The following KMT2D variants were observed in gnomAD, a reference collection of about 807,000 sequenced individuals.
KMT2D encodes histone-lysine N-methyltransferase 2D.
Under a neutral mutation model 512.7 loss-of-function variants are expected in KMT2D, and 55 were observed. The observed-to-expected ratio is 0.11, with a 90% confidence interval of 0.09 to 0.13. The LOEUF (loss-of-function observed/expected upper bound fraction) is 0.13, where lower values mean the gene tolerates loss of function less well. Ranked by LOEUF, KMT2D falls within the 10% of genes least tolerant of loss-of-function variation. The pLI is 1.00. For synonymous variants in KMT2D, 2,995 were observed against 2,904.0 expected (o/e 1.03, Z -1.01); for missense variants, 6,061 against 7,127.9 (o/e 0.85, Z 5.39).
chr12:49,042,553 A>G lies in KMT2D; in HGVS notation c.5867+8T>C. ...GACTGCCCACAAAGGTTACGCAGAG[A>G]CACCAACCTAGAATCCAGGAACGGG... On this transcript the variant is annotated splice_region_variant and intron_variant, in intron 28 of 54. Transcript: ENST00000301067. The surrounding 1 kb of genome is among the most constrained non-coding windows in gnomAD (Gnocchi z 4.4). 1 of 1,613,424 alleles carries G rather than the reference A, an allele frequency of 6.2e-7. No homozygotes were observed. The highest frequency in any genetic ancestry group is 8.5e-7 in the Non-Finnish European group (1 of 1,179,512).
At chr12:49,056,555 T>C (rs919588439) in intron 1 of KMT2D, among the ~76,000 whole-genome samples, 11 of 152,200 alleles carry the variant, frequency 7.2e-5, no homozygotes, top group African/African-American at 2.7e-4. Flanking sequence ...GTGGGAAATG[T>C]AGACCCTTTC....
At position 49,032,830 on chromosome 12, in the gene KMT2D, G is replaced by C; in HGVS notation, c.11875C>G (p.Gln3959Glu). 1 of 1,550,828 alleles carries C rather than the reference G, an allele frequency of 6.4e-7. No homozygotes were observed. Residue 3959 changes from glutamine (Q) to glutamate (E), a missense_variant, in exon 40 of 55, where the codon CAG (glutamine) becomes GAG (glutamate). Gln to Glu is a conservative substitution (Grantham distance 29). This residue lies in a region of KMT2D where 1,600 missense variants were observed against 1,754.9 expected (regional missense o/e 0.91). Transcript: ENST00000301067. ...QQQQQQLQQQ[Q>E]QQQQQQFQQQ... ...TGAAACTGCTGCTGTTGTTGTTGCT[G>C]TTGCTGTTGTAGCTGCTGTTGCTGC...
At chr12:49,043,566 A>T (rs2120570206) in intron 24 of KMT2D, 69 bp downstream of exon 24, 2 of 1,603,162 alleles carry the variant, frequency 1.2e-6, no homozygotes, top group Non-Finnish European at 1.7e-6. Context: ...TTCCCATCAA[A>T]TAACTTGCCA....
rs398123739 is a variant in KMT2D, at chr12:49,051,101, G to C, written c.2582C>G (p.Ser861Cys). 5 of 1,522,900 alleles carry C rather than the reference G, an allele frequency of 3.3e-6. No individual in the cohort carries two copies. Among genetic ancestry groups the C allele is most frequent in the Non-Finnish European group, 3.5e-6 (4 of 1,137,236 alleles). The allele number at this position is 1,522,900 out of a possible 1,614,324, so 94.3% of individuals were successfully genotyped here. A position where few individuals can be genotyped will look rare whatever the true frequency, so the allele number is the denominator to read the frequency against. Reference sequence around the variant, plus strand: ...CTCAGGGGGCTTTTCAGGCCGAGGGGACAGGGGTGGCTTCTCAAGCTCAGG... The same window carrying C: ...CTCAGGGGGCTTTTCAGGCCGAGGGCACAGGGGTGGCTTCTCAAGCTCAGG... ...LSPELEKPPL[S>C]PRPEKPPEEP... Residue 861 changes from serine (S) to cysteine (C), a missense_variant, in exon 11 of 55, where the codon TCC (serine) becomes TGC (cysteine). By Grantham distance (112) the Ser-to-Cys change is moderately radical (BLOSUM62 -1). This residue lies in a region of KMT2D where 848 missense variants were observed against 838.5 expected (regional missense o/e 1.01). Coordinates refer to ENST00000301067, the MANE Select transcript of KMT2D (RefSeq NM_003482.4).
rs200422133 is a variant in KMT2D at position 49,039,778 on chromosome 12, G to T, written c.7992C>A (p.Thr2664=). 1.7e-5 allele frequency: 28 copies of T among 1,613,924 alleles called. No homozygotes were observed. The African/African-American group carries it at 3.3e-4, about 19-fold the overall frequency. ...TAAGGCCGGACATGCCTGGGTCCTG[G>T]GTACCTGGGAGTTCAGCTGTCGCCA... ...SSLATAELPG[T]QDPGMSGLSQ... is the part of the protein sequence containing the mutation. Residue 2664 remains threonine, a synonymous_variant, in exon 32 of 55, where the codon ACC becomes ACA. Coordinates refer to ENST00000301067, the MANE Select transcript of KMT2D (RefSeq NM_003482.4). This position sits in a 1 kb window ranked among gnomAD's most constrained non-coding sequence, Gnocchi z 5.0.
At position 49,042,377 on chromosome 12, in the gene KMT2D, C is replaced by T. The variant is rs1484198843; in HGVS notation, c.5868-47G>A. 4 of 1,490,570 alleles carry T rather than the reference C, an allele frequency of 2.7e-6. No homozygotes were observed. The highest frequency in any genetic ancestry group is 3.6e-6 in the Non-Finnish European group (4 of 1,118,634). 92.3% of individuals were successfully genotyped at this position (1,490,570 alleles called of 1,614,324 possible). ...TCACAGGGCGCAGGGATGCCAAGTC[C>T]CACCCCAGACAAACTGCCTAGAGCC... is the stretch of plus-strand genomic sequence containing the variant. On this transcript the variant is annotated intron_variant, in intron 28 of 54. Transcript: ENST00000301067. This position sits in a 1 kb window ranked among gnomAD's most constrained non-coding sequence, Gnocchi z 4.4.
Position 49,022,985 on chromosome 12 carries a change from T to G in KMT2D, c.16053-110A>C, listed in dbSNP as rs1002910616. ...GTGCAACACACCAGTTAGGGGCGTG[T>G]GCTGCTGGCAAGCACTGGAAGTGCA... On this transcript the variant is annotated intron_variant, in intron 51 of 54. Coordinates refer to ENST00000301067, the MANE Select transcript of KMT2D (RefSeq NM_003482.4). The surrounding 1 kb of genome is among the most constrained non-coding windows in gnomAD (Gnocchi z 8.6). The G allele has an allele frequency of 5.0e-6, 6 of 1,199,214 alleles. No individual in the cohort carries two copies. In the African/African-American group the frequency reaches 9.2e-5, roughly 18 times the overall value. 74.3% of individuals were successfully genotyped at this position (1,199,214 alleles called of 1,614,324 possible). A position where few individuals can be genotyped will look rare whatever the true frequency, so the allele number is the denominator to read the frequency against.
Position 49,037,659 on chromosome 12 carries a change from G to T in KMT2D, c.9697C>A (p.Leu3233Ile), listed in dbSNP as rs1421439522. The T allele has an allele frequency of 6.3e-7, 1 of 1,579,898 alleles. No homozygotes were observed. Among genetic ancestry groups the T allele is most frequent in the Admixed American group, 1.8e-5 (1 of 54,922 alleles). The change falls in exon 35 of 55, where the codon CTA (leucine) becomes ATA (isoleucine). Residue 3233 changes from leucine to isoleucine, a missense_variant. By Grantham distance (5) the Leu-to-Ile change is conservative (BLOSUM62 2). Coordinates refer to ENST00000301067, the MANE Select transcript of KMT2D (RefSeq NM_003482.4). ...ACCAGTGAGCTCTCCATCTTGTCTA[G>T]CTCATCCCCAGATGCTGCAGGTCCA... is the stretch of plus-strand genomic sequence containing the variant. Reference protein sequence around the residue: ...PGGPAASGDELDKMESSLVAS... With the variant: ...PGGPAASGDEIDKMESSLVAS...
At chr12:49,034,036 G>A (rs1343188086) in intron 39 of KMT2D, 31 bp downstream of exon 39, 3 of 1,596,906 alleles carry the variant, frequency 1.9e-6, no homozygotes, top group South Asian at 1.1e-5. Context: ...CCTGCCTTCT[G>A]GGTGCTAGGC....
chr12:49,032,851 G>C lies in KMT2D; in HGVS notation c.11854C>G (p.Gln3952Glu). Residue 3952 changes from glutamine (Q) to glutamate (E), a missense_variant, in exon 40 of 55, where the codon CAA becomes GAA. Around this residue, in one of 16 missense-constraint regions of KMT2D, gnomAD observed 1,600 missense variants for 1,754.9 expected, o/e 0.91. Transcript: ENST00000301067. ...QQQQQQLQQQ[Q>E]QQLQQQQQQQ... is the part of the protein sequence containing the mutation. Reference sequence around the variant, plus strand: ...TGCTGTTGCTGTTGTAGCTGCTGTTGCTGCTGTTGAAGCTGTTGCTGCTGC... The same window carrying C: ...TGCTGTTGCTGTTGTAGCTGCTGTTCCTGCTGTTGAAGCTGTTGCTGCTGC... 2.6e-6 allele frequency: 4 copies of C among 1,550,192 alleles called. No individual in the cohort carries two copies. The highest frequency in any genetic ancestry group is 3.5e-6 in the Non-Finnish European group (4 of 1,146,694).
chr12:49,050,257 C>T lies in KMT2D; in HGVS notation c.3331G>A (p.Ala1111Thr), dbSNP rs1322059238. ...LSCPAPSPAP[A>T]LDDFSGLGED... ...CCTAGGCCAGAGAAGTCATCCAGGG[C>T]TGGGGCAGGGCTGGGGGCGGGGCAG... The change falls in exon 12 of 55, where the codon GCC becomes ACC. Residue 1111 changes from alanine to threonine, a missense_variant. By Grantham distance (58) the Ala-to-Thr change is moderately conservative. Transcript: ENST00000301067. 1 of 1,612,494 alleles carries T rather than the reference C, an allele frequency of 6.2e-7. No individual in the cohort carries two copies. Among genetic ancestry groups the T allele is most frequent in the Non-Finnish European group, 8.5e-7 (1 of 1,179,354 alleles).
At chr12:49,056,336 A>G (rs1413103041) in intron 1 of KMT2D, among the ~76,000 whole-genome samples, 1 of 152,180 alleles carries the variant, frequency 6.6e-6, no homozygotes, top group Non-Finnish European at 1.5e-5. Flanking sequence ...CCTTCTTCTA[A>G]GAAATGCGTG....
At position 49,032,313 on chromosome 12, in the gene KMT2D, G is replaced by C; in HGVS notation, c.12392C>G (p.Pro4131Arg). Residue 4131 changes from proline to arginine, a missense_variant, in exon 40 of 55, where the codon CCC (proline) becomes CGC (arginine). By Grantham distance (103) the Pro-to-Arg change is moderately radical. Coordinates refer to ENST00000301067, the MANE Select transcript of KMT2D (RefSeq NM_003482.4). ...SGSSSEASSV[P>R]HLLAQPSVSL... ...AACAGAGGGCTGAGCCAGCAGGTGGGGCACAGATGAGGCCTCAGAAGATGA... is the reference window on the plus strand; with the variant it reads ...AACAGAGGGCTGAGCCAGCAGGTGGCGCACAGATGAGGCCTCAGAAGATGA... 6.2e-7 allele frequency: 1 copy of C among 1,613,876 alleles called. No individual in the cohort carries two copies. Among genetic ancestry groups the C allele is most frequent in the Non-Finnish European group, 8.5e-7 (1 of 1,179,834 alleles).
In KMT2D at chr12:49,038,332, C is replaced by T. The variant is rs1478742796; in HGVS notation, c.9024G>A (p.Glu3008=). The part of the protein sequence containing the change: ...DAHKALEDDE[E]LAHLGLGVDV... ...CCACACCCAGACCCAGGTGAGCAAG[C>T]TCTTCATCATCCTCTAGGGCCTTGT... Residue 3008 remains glutamate, a synonymous_variant, in exon 35 of 55, where the codon GAG becomes GAA. Coordinates refer to ENST00000301067, the MANE Select transcript of KMT2D (RefSeq NM_003482.4). The surrounding 1 kb of genome is among the most constrained non-coding windows in gnomAD (Gnocchi z 5.7). 6.2e-7 allele frequency: 1 copy of T among 1,613,874 alleles called. No individual in the cohort carries two copies. Among genetic ancestry groups the T allele is most frequent in the Non-Finnish European group, 8.5e-7 (1 of 1,179,890 alleles).
chr12:49,049,352 G>C, intron 12 of KMT2D, 134 bp from the exon 13 acceptor site: 1 of 632,268 alleles, frequency 1.6e-6, no homozygotes, highest in Non-Finnish European at 2.7e-6. Flanking sequence ...TCAGGGCAAG[G>C]GAAAAGGCCA....
rs771132374 is a variant in KMT2D, at chr12:49,038,813, T to C, written c.8543A>G (p.Gln2848Arg). 1 of 1,569,440 alleles carries C rather than the reference T, an allele frequency of 6.4e-7. No individual in the cohort carries two copies. Among genetic ancestry groups the C allele is most frequent in the African/African-American group, 1.4e-5 (1 of 73,842 alleles). The stretch of plus-strand genomic sequence containing the variant: ...TCCCGCCAACGGGGAACCTAGGGCT[T>C]GGCGGCCAAGTTCAGGTCCAGGAGT... The part of the protein sequence containing the change: ...PSTPGPELGR[Q>R]ALGSPLAGIS... The change falls in exon 35 of 55, where the codon CAA becomes CGA. Residue 2848 changes from glutamine to arginine, a missense_variant. By Grantham distance (43) the Gln-to-Arg change is conservative (BLOSUM62 1). This residue lies in a region of KMT2D where 527 missense variants were observed against 578.9 expected (regional missense o/e 0.91). Coordinates refer to ENST00000301067, the MANE Select transcript of KMT2D (RefSeq NM_003482.4). The surrounding 1 kb of genome is among the most constrained non-coding windows in gnomAD (Gnocchi z 5.7).
At position 49,051,263 on chromosome 12, in the gene KMT2D, G is replaced by A. The variant is rs757089451; in HGVS notation, c.2420C>T (p.Ser807Phe). ...CAGGTGCGGCTCCTCAGTCTGGGGG[G>A]ACAGGTGCAATTCCTCAGGCTGAGG... ...LSPQPEELHL[S>F]PQTEEPHLSP... The change falls in exon 11 of 55, where the codon TCC (serine) becomes TTC (phenylalanine). Residue 807 changes from serine to phenylalanine, a missense_variant. By Grantham distance (155) the Ser-to-Phe change is radical. Transcript: ENST00000301067. 15 of 1,540,352 alleles carry A rather than the reference G, an allele frequency of 9.7e-6. No homozygotes were observed. Among genetic ancestry groups the A allele is most frequent in the Non-Finnish European group, 1.3e-5 (15 of 1,142,922 alleles).
In KMT2D at chr12:49,039,104, G is replaced by C; in HGVS notation, c.8367-115C>G. On this transcript the variant is annotated intron_variant, in intron 34 of 54. Transcript: ENST00000301067. This position sits in a 1 kb window ranked among gnomAD's most constrained non-coding sequence, Gnocchi z 5.0. ...TGCAGTGAGGGAGAAAAGGAATGAG[G>C]AAGAAGAGAAAGTGATACTGGAAAA... is the stretch of plus-strand genomic sequence containing the variant. 1 of 1,523,734 alleles carries C rather than the reference G, an allele frequency of 6.6e-7. No individual in the cohort carries two copies. Among genetic ancestry groups the C allele is most frequent in the Non-Finnish European group, 9.1e-7 (1 of 1,104,684 alleles). The allele number at this position is 1,523,734 out of a possible 1,614,324, so 94.4% of individuals were successfully genotyped here. A position where few individuals can be genotyped will look rare whatever the true frequency, so the allele number is the denominator to read the frequency against.
Position 49,052,325 on chromosome 12 carries a change from G to A in KMT2D, c.1358C>T (p.Pro453Leu), listed in dbSNP as rs1938116536. 1 of 1,575,148 alleles carries A rather than the reference G, an allele frequency of 6.3e-7. No individual in the cohort carries two copies. Among genetic ancestry groups the A allele is most frequent in the Middle Eastern group, 1.7e-4 (1 of 5,842 alleles). Reference sequence around the variant, plus strand: ...TGGTGGGGACGTGGGTGATTCCTCAGGTGGTGGGGACAGGGGTGACTCCTC... The same window carrying A: ...TGGTGGGGACGTGGGTGATTCCTCAAGTGGTGGGGACAGGGGTGACTCCTC... The part of the protein sequence containing the change: ...PPEESPLSPP[P>L]EESPTSPPPE... Residue 453 changes from proline (P) to leucine (L), a missense_variant, in exon 11 of 55, where the codon CCT becomes CTT. Pro to Leu is a moderately conservative substitution (Grantham distance 98). Transcript: ENST00000301067.
Sources: gnomAD v4.1 joint callset for allele counts (sites outside exome capture counted in the v4.1 genomes callset) on GRCh38, gnomAD v4.1.1 for gene constraint, gnomAD v4.1.1 regional missense constraint, Gnocchi (gnomAD v3.1) non-coding constraint, MANE v1.5 for transcripts, NCBI Gene and HGNC (gene_info 2026-07-23, HGNC 2026-07-21) for gene names.